CD99L2: variants seen among roughly 807,000 people sequenced by gnomAD.
CD99L2 encodes CD99 molecule like 2, also known as CD99 antigen-like protein 2.
Under a neutral mutation model 27.3 loss-of-function variants are expected in CD99L2, and 24 were observed. The observed-to-expected ratio is 0.88, with a 90% CI of 0.64 to 1.24. CD99L2 has a LOEUF of 1.24. Among genes scored for constraint, CD99L2 ranks in the 50% most tolerant of loss-of-function variants. The pLI, the probability that CD99L2 is intolerant of heterozygous loss-of-function variation, is 0.00. For synonymous variants in CD99L2, 97 were observed against 87.9 expected (o/e 1.10, Z -0.58); for missense variants, 255 against 221.6 (o/e 1.15, Z -0.96).
chrX:150,893,541 T>C lies in CD99L2; in HGVS notation c.67+4981A>G, dbSNP rs201457412. On this transcript the variant is annotated intron_variant, in intron 1 of 10. Coordinates refer to ENST00000370377, the MANE Select transcript of CD99L2 (RefSeq NM_031462.4). ...CCCCCCGAACCAAGTTCAAGGACCTTGAAAACAACCCCAATCCAGGGGTAA... is the reference window on the plus strand; with the variant it reads ...CCCCCCGAACCAAGTTCAAGGACCTCGAAAACAACCCCAATCCAGGGGTAA... 1.3e-4 allele frequency among the ~76,000 whole-genome samples: 14 copies of C among 108,611 alleles called. No individual in the cohort carries two copies. The East Asian group carries it at 4.1e-3, about 32-fold the overall frequency. 94.3% of individuals were successfully genotyped at this position (108,611 alleles called of 115,157 possible). A position where few individuals can be genotyped will look rare whatever the true frequency, so the allele number is the denominator to read the frequency against.
chrX:150,778,680 AAAAAAATAT>A (rs1454823062), intron 7 of CD99L2, among the ~76,000 whole-genome samples: 6 of 22,753 alleles, frequency 2.6e-4, no homozygotes, highest in African/African-American at 5.9e-4. Flanking sequence ...TAATAAAAAA[AAAAAAATAT>A]ATATATATAT....
chrX:150,778,705 TA>T (rs2045457946), intron 7 of CD99L2, among the ~76,000 whole-genome samples: 3 of 66,972 alleles, frequency 4.5e-5, no homozygotes, highest in Non-Finnish European at 1.0e-4. Flanking sequence ...TATATATATA[TA>T]TATAAATAAA....
chrX:150,872,502 T>C (rs959461821), intron 1 of CD99L2, among the ~76,000 whole-genome samples: 3 of 102,531 alleles, frequency 2.9e-5, no homozygotes, highest in Admixed American at 1.1e-4. Flanking sequence ...GATCTTAATA[T>C]CAGAAAGTTT....
At position 150,861,066 on chromosome X, in the gene CD99L2, C is replaced by T. The variant is rs1188203914; in HGVS notation, c.68-29773G>A. 5.9e-5 allele frequency among the ~76,000 whole-genome samples: 6 copies of T among 101,974 alleles called. No homozygotes were observed. The Admixed American group carries it at 6.5e-4, about 11-fold the overall frequency. 88.6% of individuals were successfully genotyped at this position (101,974 alleles called of 115,157 possible). A position where few individuals can be genotyped will look rare whatever the true frequency, so the allele number is the denominator to read the frequency against. ...CTGAGGGAGGAGAATGGCGTGAACC[C>T]AGGAGGCGGAGATTGCAGTGAGCCG... On this transcript the variant is annotated intron_variant, in intron 1 of 10. Coordinates refer to ENST00000370377, the MANE Select transcript of CD99L2 (RefSeq NM_031462.4).
At chrX:150,889,435 G>A (rs1291233213) in intron 1 of CD99L2, among the ~76,000 whole-genome samples, 6 of 108,853 alleles carry the variant, frequency 5.5e-5, no homozygotes, top group African/African-American at 2.0e-4. Context: ...ACCCAATATA[G>A]TTCCACCATC....
chrX:150,793,972 G>C (rs1557419810), intron 6 of CD99L2, among the ~76,000 whole-genome samples: 1 of 111,305 alleles, frequency 9.0e-6, no homozygotes, highest in African/African-American at 3.3e-5. Flanking sequence ...CCATGGATAG[G>C]ATGGCTATAT....
At chrX:150,817,643 C>T (rs1243704821) in intron 2 of CD99L2, among the ~76,000 whole-genome samples, 2 of 112,162 alleles carry the variant, frequency 1.8e-5, no homozygotes, top group African/African-American at 6.5e-5. Flanking sequence ...GCTTTGAATA[C>T]AGCGAGTACC....
intron 1 of CD99L2, among the ~76,000 whole-genome samples, chrX:150,836,637 T>C (rs1557421210): frequency 8.9e-6 from 1 of 111,959 alleles, no homozygotes; most frequent in East Asian, 2.8e-4. Context: ...TAGCTTAATA[T>C]TAACATAGTC....
chrX:150,777,889 C>T (rs1269106159), intron 7 of CD99L2, among the ~76,000 whole-genome samples: 3 of 112,237 alleles, frequency 2.7e-5, no homozygotes, highest in East Asian at 2.8e-4. Context: ...GGGTCTCTGA[C>T]GTAGCCACTG....
chrX:150,875,943 G>T (rs1336593478), intron 1 of CD99L2, among the ~76,000 whole-genome samples: 1 of 112,144 alleles, frequency 8.9e-6, no homozygotes, highest in Admixed American at 9.5e-5. Context: ...CCAGTCTCAG[G>T]TATGTCTTTA....
intron 4 of CD99L2, among the ~76,000 whole-genome samples, chrX:150,802,291 C>T (rs1017547870): frequency 9.0e-6 from 1 of 110,980 alleles, no homozygotes; most frequent in African/African-American, 3.3e-5. Flanking sequence ...TAGGATGGGA[C>T]GGTGGCTCAC....
At chrX:150,880,845 C>T (rs1442948426) in intron 1 of CD99L2, among the ~76,000 whole-genome samples, 2 of 111,912 alleles carry the variant, frequency 1.8e-5, no homozygotes, top group Non-Finnish European at 3.8e-5. Context: ...CCACTATTTT[C>T]TCTTCTAAAA....
At chrX:150,842,593 A>T (rs931273625) in intron 1 of CD99L2, among the ~76,000 whole-genome samples, 5 of 110,380 alleles carry the variant, frequency 4.5e-5, no homozygotes, top group Admixed American at 1.9e-4. Context: ...GTTGCTATCC[A>T]CTCCACTCAG....
intron 4 of CD99L2, among the ~76,000 whole-genome samples, chrX:150,801,354 G>A (rs1389576712): frequency 6.3e-5 from 7 of 111,799 alleles, no homozygotes; most frequent in African/African-American, 2.3e-4. Context: ...AAAAACTTAC[G>A]ATCATAGTGG....
intron 2 of CD99L2, among the ~76,000 whole-genome samples, chrX:150,831,015 G>C (rs1399278972): frequency 9.0e-6 from 1 of 110,696 alleles, no homozygotes; most frequent in African/African-American, 3.3e-5. Flanking sequence ...CACCATGTTG[G>C]CCAGGCTGGT....
intron 1 of CD99L2, among the ~76,000 whole-genome samples, chrX:150,866,621 T>C (rs1218578074): frequency 8.9e-6 from 1 of 111,752 alleles, no homozygotes; most frequent in Non-Finnish European, 1.9e-5. Flanking sequence ...GTTAGAAAGA[T>C]TAAGTTCTAC....
At chrX:150,871,780 T>C (rs1205294491) in intron 1 of CD99L2, among the ~76,000 whole-genome samples, 4 of 111,915 alleles carry the variant, frequency 3.6e-5, no homozygotes, top group African/African-American at 1.3e-4. Context: ...ATGCACATAA[T>C]GGAAAACTGT....
In CD99L2 at chrX:150,766,563, A is replaced by G. The variant is rs1357599522; in HGVS notation, c.*2471T>C. On this transcript the variant is annotated 3_prime_UTR_variant, in exon 11 of 11. Coordinates refer to ENST00000370377, the MANE Select transcript of CD99L2 (RefSeq NM_031462.4). ...TTCCGCCCAGCTTTATCTTTCCTTGAGCTGTGACTTCACCCAGCATGTGCT... is the reference window on the plus strand; with the variant it reads ...TTCCGCCCAGCTTTATCTTTCCTTGGGCTGTGACTTCACCCAGCATGTGCT... 1 of 110,022 alleles carries G rather than the reference A, an allele frequency of 9.1e-6. No individual in the cohort carries two copies. The highest frequency in any genetic ancestry group is 1.9e-5 in the Non-Finnish European group (1 of 53,087). The allele number at this position is 110,022 out of a possible 1,213,427, so 9.1% of individuals were successfully genotyped here.
intron 4 of CD99L2, among the ~76,000 whole-genome samples, chrX:150,799,526 A>G (rs868955546): frequency 5.1e-4 from 55 of 108,459 alleles, no homozygotes; most frequent in African/African-American, 1.8e-3. Context: ...AAAAAAAAAA[A>G]GGAAAAAAAC....
Sources: gnomAD v4.1 joint callset for allele counts (sites outside exome capture counted in the v4.1 genomes callset) on GRCh38, gnomAD v4.1.1 for gene constraint, MANE v1.5 for transcripts, NCBI Gene and HGNC (gene_info 2026-07-23, HGNC 2026-07-21) for gene names.